The following CACNB1 variants were observed in gnomAD, a reference collection of about 807,000 sequenced individuals.
CACNB1 encodes calcium voltage-gated channel auxiliary subunit beta 1.
Under a neutral mutation model 71.6 loss-of-function variants are expected in CACNB1, and 29 were observed. The observed-to-expected ratio is 0.40, with a 90% CI of 0.30 to 0.55. CACNB1 has a LOEUF of 0.55. Among genes scored for constraint, CACNB1 ranks in the 20% least tolerant of loss-of-function variants. The probability of loss-of-function intolerance (pLI) is 0.38; values close to 1 mark genes in which losing one functional copy is unlikely to be tolerated. For missense variants in CACNB1, 623 were observed against 801.8 expected (o/e 0.78, Z 2.69); for synonymous variants, 300 against 319.6 (o/e 0.94, Z 0.65).
At chr17:39,181,891 A>C (rs560376219) in intron 11 of CACNB1, among the ~76,000 whole-genome samples, 5 of 152,018 alleles carry the variant, frequency 3.3e-5, no homozygotes, top group African/African-American at 1.2e-4. Flanking sequence ...GGCCGGGCAC[A>C]GTGGCTCACA....
chr17:39,187,387 G>T, intron 4 of CACNB1, 92 bp downstream of exon 4: 2 of 1,438,216 alleles, frequency 1.4e-6, no homozygotes, highest in Non-Finnish European at 1.9e-6. Context: ...GATTCAGCCT[G>T]GCTCTGCTTG....
chr17:39,179,562 G>C (rs1456356508), intron 11 of CACNB1, among the ~76,000 whole-genome samples: 1 of 147,352 alleles, frequency 6.8e-6, no homozygotes, highest in Non-Finnish European at 1.5e-5. Flanking sequence ...CTGAGCGACA[G>C]AGTGAGACTC....
At position 39,175,499 on chromosome 17, in the gene CACNB1, T is replaced by G; in HGVS notation, c.1491A>C (p.Gln497His). Reference protein sequence around the residue: ...RAGTLRALSRQDTFDADTPGS... With the variant: ...RAGTLRALSRHDTFDADTPGS... ...CGGGGGTGTCGGCATCAAAAGTGTC[T>G]TGGCGGGACAGTGCCCGTAGCGTGC... Residue 497 changes from glutamine (Q) to histidine (H), a missense_variant, in exon 14 of 14, where the codon CAA becomes CAC. Transcript: ENST00000394303. This position sits in a 1 kb window ranked among gnomAD's most constrained non-coding sequence, Gnocchi z 4.7. 6.2e-7 allele frequency: 1 copy of G among 1,614,004 alleles called. No individual in the cohort carries two copies. Among genetic ancestry groups the G allele is most frequent in the Non-Finnish European group, 8.5e-7 (1 of 1,180,018 alleles).
In CACNB1 at chr17:39,194,770, C is replaced by T. The variant is rs2046167872; in HGVS notation, c.171+114G>A. The T allele has an allele frequency of 1.4e-6, 1 of 696,310 alleles. No homozygotes were observed. The highest frequency in any genetic ancestry group is 2.7e-5 in the East Asian group (1 of 36,684). The allele number at this position is 696,310 out of a possible 1,614,324, so 43.1% of individuals were successfully genotyped here. On this transcript the variant is annotated intron_variant, in intron 2 of 13. Transcript: ENST00000394303. The surrounding 1 kb of genome is among the most constrained non-coding windows in gnomAD (Gnocchi z 4.6). ...GTCAGGGTGATGGGGTGGCTCCAGG[C>T]AGGTGACAAATGGCACAGGGAAGGG...
At chr17:39,196,814 T>A (rs1165617505) in intron 1 of CACNB1, among the ~76,000 whole-genome samples, 1 of 91,336 alleles carries the variant, frequency 1.1e-5, no homozygotes, top group Non-Finnish European at 2.4e-5. Flanking sequence ...TAAGTCAACG[T>A]GGGTGTGGGG....
At chr17:39,183,474 G>A (rs1472130308) in intron 11 of CACNB1, among the ~76,000 whole-genome samples, 1 of 152,192 alleles carries the variant, frequency 6.6e-6, no homozygotes, top group Non-Finnish European at 1.5e-5. Flanking sequence ...CAGGGGACTG[G>A]TCTGCATGAC....
intron 8 of CACNB1, 112 bp from the exon 9 acceptor site, chr17:39,184,495 G>A: frequency 1.4e-6 from 1 of 702,578 alleles, no homozygotes; most frequent in Middle Eastern, 3.8e-4. Context: ...CTTCTGGACA[G>A]GCCTTTACGG....
intron 2 of CACNB1, chr17:39,193,176 A>C (rs1223568116): frequency 7.1e-6 from 2 of 280,734 alleles, no homozygotes; most frequent in African/African-American, 4.7e-5. Flanking sequence ...AGTTACATGC[A>C]CACACACAGA....
At chr17:39,191,847 GC>G in intron 2 of CACNB1, 2 of 486,904 alleles carry the variant, frequency 4.1e-6, no homozygotes, top group Non-Finnish European at 3.6e-6. Flanking sequence ...AAGGACAGCT[GC>G]TTGGGGCCCA....
Position 39,184,401 on chromosome 17 carries a change from TG to T in CACNB1, c.730-19del. ...TCTGTAACCTGGGGGTGGGGGTTTG[TG>T]GGGAGGGAGGGAGGAGAAGGCAGGC... On this transcript the variant is annotated intron_variant, in intron 8 of 13. Coordinates refer to ENST00000394303, the MANE Select transcript of CACNB1 (RefSeq NM_000723.5). 2 of 509,390 alleles carry T rather than the reference TG, an allele frequency of 3.9e-6. No homozygotes were observed. Among genetic ancestry groups the T allele is most frequent in the Non-Finnish European group, 7.6e-6 (2 of 264,724 alleles). The allele number at this position is 509,390 out of a possible 1,614,324, so 31.6% of individuals were successfully genotyped here. A position where few individuals can be genotyped will look rare whatever the true frequency, so the allele number is the denominator to read the frequency against.
At chr17:39,184,203 C>T in intron 9 of CACNB1, 63 bp from the exon 10 acceptor site, 1 of 1,331,480 alleles carries the variant, frequency 7.5e-7, no homozygotes, top group East Asian at 2.3e-5. Context: ...TGCCCACTCC[C>T]CAGTTCCAGG....
intron 9 of CACNB1, 51 bp downstream of exon 9, chr17:39,184,274 C>T: frequency 7.4e-7 from 1 of 1,354,362 alleles, no homozygotes; most frequent in South Asian, 1.2e-5. Context: ...CTGCCCATCC[C>T]CAGCAGCAGA....
intron 6 of CACNB1, 96 bp from the exon 7 acceptor site, chr17:39,185,246 G>A (rs2045905481): frequency 2.2e-6 from 2 of 921,930 alleles, no homozygotes; most frequent in Admixed American, 1.8e-5. Context: ...GGACAAGAGA[G>A]GGAGGGAGAG....
At chr17:39,187,378 A>C (rs922395513) in intron 4 of CACNB1, 101 bp downstream of exon 4, 4 of 1,374,138 alleles carry the variant, frequency 2.9e-6, no homozygotes, top group Non-Finnish European at 4.1e-6. Context: ...CACACAGCAG[A>C]TTCAGCCTGG....
rs541202156 is a variant in CACNB1, at chr17:39,196,437, C to T, written c.84+975G>A. ...AGCTGCCTCCCAGGCTCAAAGGGGC[C>T]TGGGGTGGAGGAAGGTATTTTTAGG... On this transcript the variant is annotated intron_variant, in intron 1 of 13. Coordinates refer to ENST00000394303, the MANE Select transcript of CACNB1 (RefSeq NM_000723.5). 2.6e-5 allele frequency among the ~76,000 whole-genome samples: 4 copies of T among 152,238 alleles called. No homozygotes were observed. The South Asian group carries it at 8.3e-4, about 32-fold the overall frequency.
Position 39,175,536 on chromosome 17 carries a change from G to A in CACNB1, c.1454C>T (p.Pro485Leu). ...PPGLYPSSHPPGRAGTLRALS... is the reference protein window; with the variant it reads ...PPGLYPSSHPLGRAGTLRALS... ...TGCCCGTAGCGTGCCTGCCCGGCCTGGTGGGTGGCTGCTGGGGTAAAGGCC... is the reference window on the plus strand; with the variant it reads ...TGCCCGTAGCGTGCCTGCCCGGCCTAGTGGGTGGCTGCTGGGGTAAAGGCC... The change falls in exon 14 of 14, where the codon CCA becomes CTA. Residue 485 changes from proline to leucine, a missense_variant. By Grantham distance (98) the Pro-to-Leu change is moderately conservative. Transcript: ENST00000394303. The surrounding 1 kb of genome is among the most constrained non-coding windows in gnomAD (Gnocchi z 4.7). 1.2e-6 allele frequency: 2 copies of A among 1,613,850 alleles called. No homozygotes were observed. The highest frequency in any genetic ancestry group is 1.7e-6 in the Non-Finnish European group (2 of 1,179,976).
rs377460588 is a variant in CACNB1, at chr17:39,187,528, T to A, written c.365A>T (p.Gln122Leu). Residue 122 changes from glutamine (Q) to leucine (L), a missense_variant, in exon 4 of 14, where the codon CAG (glutamine) becomes CTG (leucine). Coordinates refer to ENST00000394303, the MANE Select transcript of CACNB1 (RefSeq NM_000723.5). ...NPSPGDEVPVQGVAITFEPKD... is the reference protein window; with the variant it reads ...NPSPGDEVPVLGVAITFEPKD... The stretch of plus-strand genomic sequence containing the variant: ...GGGCTCGAAGGTGATGGCCACTCCC[T>A]GCACAGGCACCTCATCCCCTGGAGA... 1 of 1,614,026 alleles carries A rather than the reference T, an allele frequency of 6.2e-7. No individual in the cohort carries two copies. Among genetic ancestry groups the A allele is most frequent in the Non-Finnish European group, 8.5e-7 (1 of 1,180,018 alleles).
intron 3 of CACNB1, among the ~76,000 whole-genome samples, chr17:39,190,225 C>T (rs762965338): frequency 3.7e-4 from 56 of 152,110 alleles, no homozygotes; most frequent in Non-Finnish European, 7.9e-4. Context: ...AGTTCAAGAC[C>T]AGCCTGGGCA....
rs1425560702 is a variant in CACNB1, at chr17:39,175,352, T to C, written c.1638A>G (p.Gly546=). 1 of 1,614,124 alleles carries C rather than the reference T, an allele frequency of 6.2e-7. No individual in the cohort carries two copies. The highest frequency in any genetic ancestry group is 1.7e-5 in the Admixed American group (1 of 60,022). Reference sequence around the variant, plus strand: ...AGTCTTCTTCCTCGTCCTCCCAGGATCCCTGTCGGGCTGGGGGCGTGCCGC... The same window carrying C: ...AGTCTTCTTCCTCGTCCTCCCAGGACCCCTGTCGGGCTGGGGGCGTGCCGC... ...AGGGTPPARQ[G]SWEDEEEDYE... Residue 546 remains glycine, a synonymous_variant, in exon 14 of 14, where the codon GGA becomes GGG. Coordinates refer to ENST00000394303, the MANE Select transcript of CACNB1 (RefSeq NM_000723.5). This position sits in a 1 kb window ranked among gnomAD's most constrained non-coding sequence, Gnocchi z 4.7.
Sources: gnomAD v4.1 joint callset for allele counts (sites outside exome capture counted in the v4.1 genomes callset) on GRCh38, gnomAD v4.1.1 for gene constraint, Gnocchi (gnomAD v3.1) non-coding constraint, MANE v1.5 for transcripts, NCBI Gene and HGNC (gene_info 2026-07-23, HGNC 2026-07-21) for gene names.